CSF3R: variants seen among roughly 807,000 people sequenced by gnomAD.
The protein encoded by CSF3R is granulocyte colony-stimulating factor receptor.
Under a neutral mutation model 84.4 loss-of-function variants are expected in CSF3R, and 52 were observed. The ratio of observed to expected loss-of-function variants is 0.62; its 90% CI spans 0.49 to 0.78. The LOEUF is 0.78. Ranked by LOEUF, CSF3R falls within the 30% of genes least tolerant of loss-of-function variation. The probability of loss-of-function intolerance (pLI) is 0.00; values close to 1 mark genes in which losing one functional copy is unlikely to be tolerated. For missense variants in CSF3R, 890 were observed against 1,055.7 expected (o/e 0.84, Z 2.17); for synonymous variants, 384 against 429.1 (o/e 0.89, Z 1.30).
Position 36,466,967 on chromosome 1 carries a change from A to C in CSF3R, c.2041-140T>G. 3 of 1,594,816 alleles carry C rather than the reference A, an allele frequency of 1.9e-6. No homozygotes were observed. Among genetic ancestry groups the C allele is most frequent in the Non-Finnish European group, 2.6e-6 (3 of 1,168,952 alleles). Reference sequence around the variant, plus strand: ...ACACAAAGGGTACCACTTGCAAAGCACTAGTATGTTCCTCACACATGCCTG... The same window carrying C: ...ACACAAAGGGTACCACTTGCAAAGCCCTAGTATGTTCCTCACACATGCCTG... On this transcript the variant is annotated intron_variant, in intron 16 of 16. Transcript: ENST00000373106. The surrounding 1 kb of genome is among the most constrained non-coding windows in gnomAD (Gnocchi z 4.6).
In CSF3R at chr1:36,466,602, G is replaced by A. The variant is rs1650330202; in HGVS notation, c.2266C>T (p.Leu756=). 14 of 1,613,342 alleles carry A rather than the reference G, an allele frequency of 8.7e-6. No homozygotes were observed. In the East Asian group the frequency reaches 2.0e-4, roughly 23 times the overall value. ...GGCCCTGGGCTTGTGGGGCTGCCCAGCAGCTGCCCATAAAGGACCTGATCG... is the reference window on the plus strand; with the variant it reads ...GGCCCTGGGCTTGTGGGGCTGCCCAACAGCTGCCCATAAAGGACCTGATCG... ...TSDQVLYGQL[L]GSPTSPGPGH... Residue 756 remains leucine (L), a synonymous_variant, in exon 17 of 17, where the codon CTG becomes TTG. Coordinates refer to ENST00000373106, the MANE Select transcript of CSF3R (RefSeq NM_000760.4). This position sits in a 1 kb window ranked among gnomAD's most constrained non-coding sequence, Gnocchi z 4.6.
rs1651085213 is a variant in CSF3R, at chr1:36,475,575, G to C, written c.163C>G (p.Leu55Val). The change falls in exon 4 of 17, where the codon CTG (leucine) becomes GTG (valine). Residue 55 changes from leucine (L) to valine (V), a missense_variant. Physicochemically the swap from Leu to Val is conservative, Grantham distance 32 (BLOSUM62 1). Transcript: ENST00000373106. ...CACAGAATCTGTGGCTCCGGGTCCA[G>C]ATGGCTGCAGTTCTGCTTGATGATG... ...SCIIKQNCSH[L>V]DPEPQILWRL... The C allele has an allele frequency of 6.8e-6, 11 of 1,613,330 alleles. No individual in the cohort carries two copies. The highest frequency in any genetic ancestry group is 6.8e-6 in the Non-Finnish European group (8 of 1,179,448).
At chr1:36,479,011 T>C in intron 3 of CSF3R, 1 of 325,330 alleles carries the variant, frequency 3.1e-6, no homozygotes, top group Non-Finnish European at 6.0e-6. Context: ...GGATGGGAAG[T>C]TCTCTACCTC....
chr1:36,472,481 A>G lies in CSF3R; in HGVS notation c.843+36T>C. ...CCGACTTACCCTGCCCCCTGCCCCC[A>G]CCACCTCAGGCTCTCCAGGTTGCCC... On this transcript the variant is annotated intron_variant, in intron 7 of 16. Coordinates refer to ENST00000373106, the MANE Select transcript of CSF3R (RefSeq NM_000760.4). The surrounding 1 kb of genome is among the most constrained non-coding windows in gnomAD (Gnocchi z 5.0). The G allele has an allele frequency of 6.2e-7, 1 of 1,613,986 alleles. No individual in the cohort carries two copies.
At chr1:36,468,029 C>T (rs771860087) in intron 13 of CSF3R, 46 bp downstream of exon 13, 2 of 1,614,238 alleles carry the variant, frequency 1.2e-6, no homozygotes, top group East Asian at 4.5e-5. Context: ...CTGAGCACCC[C>T]CTTCCAGGCC....
Position 36,472,924 on chromosome 1 carries a change from C to A in CSF3R, c.674-238G>T. The A allele has an allele frequency of 3.7e-6, 2 of 538,144 alleles. No individual in the cohort carries two copies. The highest frequency in any genetic ancestry group is 6.4e-6 in the Non-Finnish European group (2 of 311,066). 33.3% of individuals were successfully genotyped at this position (538,144 alleles called of 1,614,324 possible). On this transcript the variant is annotated intron_variant, in intron 6 of 16. Coordinates refer to ENST00000373106, the MANE Select transcript of CSF3R (RefSeq NM_000760.4). The surrounding 1 kb of genome is among the most constrained non-coding windows in gnomAD (Gnocchi z 5.0). ...AAATGTTTTCCCTCCAGATATCCAG[C>A]GGCTTGCTCCCTCATTTCCTTCAAG...
At chr1:36,476,629 T>TG (rs919980522) in intron 3 of CSF3R, among the ~76,000 whole-genome samples, 30 of 151,786 alleles carry the variant, frequency 2.0e-4, no homozygotes, top group African/African-American at 5.1e-4. Context: ...CTGTTTTTTT[T>TG]TTTTTGTTGT....
At position 36,473,356 on chromosome 1, in the gene CSF3R, G is replaced by A. The variant is rs977511016; in HGVS notation, c.673+79C>T. The A allele has an allele frequency of 1.3e-5, 19 of 1,513,422 alleles. No homozygotes were observed. The African/African-American group carries it at 1.9e-4, about 15-fold the overall frequency. 93.7% of individuals were successfully genotyped at this position (1,513,422 alleles called of 1,614,324 possible). A position where few individuals can be genotyped will look rare whatever the true frequency, so the allele number is the denominator to read the frequency against. ...GTCTTCCAGTGTCTTCTTGTCTGTC[G>A]CTAGTTCTGTGTTTCCCTCTCCATT... On this transcript the variant is annotated intron_variant, in intron 6 of 16. Coordinates refer to ENST00000373106, the MANE Select transcript of CSF3R (RefSeq NM_000760.4).
Position 36,466,876 on chromosome 1 carries a change from C to T in CSF3R, c.2041-49G>A, listed in dbSNP as rs769262142. On this transcript the variant is annotated intron_variant, in intron 16 of 16. Transcript: ENST00000373106. The surrounding 1 kb of genome is among the most constrained non-coding windows in gnomAD (Gnocchi z 4.6). ...GAGCACGGCTCATTTCAGATGTCTG[C>T]CCCAGCCACTGTCCCTGTCTGGGTC... is the stretch of plus-strand genomic sequence containing the variant. 6.2e-7 allele frequency: 1 copy of T among 1,614,086 alleles called. No homozygotes were observed.
intron 10 of CSF3R, among the ~76,000 whole-genome samples, chr1:36,470,891 T>G (rs1203408863): frequency 6.6e-6 from 1 of 152,174 alleles, no homozygotes; most frequent in Admixed American, 6.5e-5. Context: ...AGCAGTTACT[T>G]TGTGCCAGGC....
At position 36,466,167 on chromosome 1, in the gene CSF3R, C is replaced by G; in HGVS notation, c.*190G>C. ...GGGGCTGGATGGAGCATGATCTGGT[C>G]CTTAAAGTATGCAGATCGCCTGGGA... On this transcript the variant is annotated 3_prime_UTR_variant, in exon 17 of 17. Coordinates refer to ENST00000373106, the MANE Select transcript of CSF3R (RefSeq NM_000760.4). This position sits in a 1 kb window ranked among gnomAD's most constrained non-coding sequence, Gnocchi z 4.6. The G allele has an allele frequency of 1.9e-6, 3 of 1,614,130 alleles. No individual in the cohort carries two copies. The highest frequency in any genetic ancestry group is 1.7e-6 in the Non-Finnish European group (2 of 1,180,024).
At position 36,472,142 on chromosome 1, in the gene CSF3R, G is replaced by A. The variant is rs753747584; in HGVS notation, c.998-3C>T. On this transcript the variant is annotated splice_region_variant and splice_polypyrimidine_tract_variant and intron_variant, in intron 8 of 16. Transcript: ENST00000373106. The surrounding 1 kb of genome is among the most constrained non-coding windows in gnomAD (Gnocchi z 5.0). ...TGTGTCCAGTCTGACAGTGGGGGCT[G>A]TGGATGGAACAAGAAGAGGGGGTGC... The A allele has an allele frequency of 3.1e-6, 5 of 1,613,974 alleles. No homozygotes were observed. The Admixed American group carries it at 6.7e-5, about 22-fold the overall frequency.
Position 36,466,477 on chromosome 1 carries a change from C to T in CSF3R, c.2391G>A (p.Leu797=), listed in dbSNP as rs1210752799. 1.2e-6 allele frequency: 2 copies of T among 1,611,512 alleles called. No individual in the cohort carries two copies. Among genetic ancestry groups the T allele is most frequent in the Non-Finnish European group, 1.7e-6 (2 of 1,178,922 alleles). Residue 797 remains leucine (L), a synonymous_variant, in exon 17 of 17, where the codon TTG becomes TTA. Coordinates refer to ENST00000373106, the MANE Select transcript of CSF3R (RefSeq NM_000760.4). This position sits in a 1 kb window ranked among gnomAD's most constrained non-coding sequence, Gnocchi z 4.6. ...TTGGGGCTGGGGTTACCAGGGTCCC[C>T]AAGGGGCTGGCCTGGAACCAGAGGT... ...YENLWFQASP[L]GTLVTPAPSQ...
intron 2 of CSF3R, 57 bp from the exon 3 acceptor site, chr1:36,479,573 T>A: frequency 7.5e-7 from 1 of 1,341,140 alleles, no homozygotes; most frequent in South Asian, 1.2e-5. Flanking sequence ...CTGATCTTAA[T>A]CCTTGTCTGT....
intron 2 of CSF3R, chr1:36,479,873 A>G (rs1007689157): frequency 1.4e-5 from 5 of 354,962 alleles, no homozygotes; most frequent in Non-Finnish European, 2.8e-5. Flanking sequence ...GAGATGAGGA[A>G]TTGCATGCTG....
chr1:36,466,249 G>C lies in CSF3R; in HGVS notation c.*108C>G, dbSNP rs1213895477. On this transcript the variant is annotated 3_prime_UTR_variant, in exon 17 of 17. Transcript: ENST00000373106. This position sits in a 1 kb window ranked among gnomAD's most constrained non-coding sequence, Gnocchi z 4.6. ...AGATGCTGGTGACTGGAGATGGTGAGAGCCTGGGCTGGGGTAGTTTTTAGT... is the reference window on the plus strand; with the variant it reads ...AGATGCTGGTGACTGGAGATGGTGACAGCCTGGGCTGGGGTAGTTTTTAGT... The C allele has an allele frequency of 6.2e-7, 1 of 1,613,824 alleles. No individual in the cohort carries two copies. The highest frequency in any genetic ancestry group is 1.1e-5 in the South Asian group (1 of 91,058).
At chr1:36,468,889 A>T in intron 12 of CSF3R, 1 of 475,372 alleles carries the variant, frequency 2.1e-6, no homozygotes, top group Non-Finnish European at 3.9e-6. Flanking sequence ...TACATATAAC[A>T]CCTTATTTTT....
rs187516232 is a variant in CSF3R at position 36,479,627 on chromosome 1, C to G, written c.-20-111G>C. ...AGGTTGCTTGACTTCTCTGAGCCTTCGTTTCTTTGCAAAATGGAAGTAACA... is the reference window on the plus strand; with the variant it reads ...AGGTTGCTTGACTTCTCTGAGCCTTGGTTTCTTTGCAAAATGGAAGTAACA... On this transcript the variant is annotated intron_variant, in intron 2 of 16. Coordinates refer to ENST00000373106, the MANE Select transcript of CSF3R (RefSeq NM_000760.4). The G allele has an allele frequency of 7.3e-6, 6 of 822,244 alleles. No homozygotes were observed. In the South Asian group the frequency reaches 8.6e-5, roughly 12 times the overall value. The allele number at this position is 822,244 out of a possible 1,614,324, so 50.9% of individuals were successfully genotyped here. A position where few individuals can be genotyped will look rare whatever the true frequency, so the allele number is the denominator to read the frequency against.
intron 4 of CSF3R, among the ~76,000 whole-genome samples, 187 bp downstream of exon 4, chr1:36,475,190 A>G: frequency 6.6e-6 from 1 of 152,092 alleles, no homozygotes; most frequent in Admixed American, 6.5e-5. Context: ...TATTTTTAGT[A>G]GAGGCGGGGT....
Sources: gnomAD v4.1 joint callset for allele counts (sites outside exome capture counted in the v4.1 genomes callset) on GRCh38, gnomAD v4.1.1 for gene constraint, Gnocchi (gnomAD v3.1) non-coding constraint, MANE v1.5 for transcripts, NCBI Gene and HGNC (gene_info 2026-07-23, HGNC 2026-07-21) for gene names.